PGLS: variants seen among roughly 807,000 people sequenced by gnomAD.
PGLS encodes the protein epididymis secretory protein Li 304.
Under a neutral mutation model 23.2 loss-of-function variants are expected in PGLS, and 21 were observed. That is an observed-to-expected ratio of 0.91 (90% CI 0.64 to 1.31). The LOEUF is 1.31. Among genes scored for constraint, PGLS ranks in the 50% most tolerant of loss-of-function variants. The pLI, the probability that PGLS is intolerant of heterozygous loss-of-function variation, is 0.00. For synonymous variants in PGLS, 179 were observed against 165.4 expected (o/e 1.08, Z -0.63); for missense variants, 410 against 354.0 (o/e 1.16, Z -1.27).
At chr19:17,519,289 G>A (rs1038780753) in intron 4 of PGLS, among the ~76,000 whole-genome samples, 4 of 148,398 alleles carry the variant, frequency 2.7e-5, no homozygotes, top group Non-Finnish European at 5.9e-5. Flanking sequence ...ACTCCAGCCT[G>A]GGCGACAAGA....
At chr19:17,517,586 C>A in intron 3 of PGLS, 124 bp from the exon 4 acceptor site, 2 of 1,157,550 alleles carry the variant, frequency 1.7e-6, no homozygotes, top group Non-Finnish European at 1.2e-6. Flanking sequence ...CTTAAACTAC[C>A]CACCATGGGA....
chr19:17,517,676 C>T (rs1477571437), intron 3 of PGLS, 34 bp from the exon 4 acceptor site: 2 of 1,611,668 alleles, frequency 1.2e-6, no homozygotes, highest in Non-Finnish European at 1.7e-6. Context: ...GTGACATTGT[C>T]CTTCTGCCTC....
In PGLS at chr19:17,511,681, G is replaced by A. The variant is rs1480169194; in HGVS notation, c.9G>A (p.Ala3=). MA[A]PAPGLISVFS... ...CCGCCGCCGCCCTCGCCATGGCCGC[G>A]CCGGCCCCGGGCCTCATCTCGGTGT... The change falls in exon 1 of 5, where the codon GCG becomes GCA. Residue 3 remains alanine (A), a synonymous_variant. Transcript: ENST00000252603. The A allele has an allele frequency of 2.7e-6, 4 of 1,489,292 alleles. No homozygotes were observed. Among genetic ancestry groups the A allele is most frequent in the African/African-American group, 3.0e-5 (2 of 67,728 alleles). 92.3% of individuals were successfully genotyped at this position (1,489,292 alleles called of 1,614,324 possible). A position where few individuals can be genotyped will look rare whatever the true frequency, so the allele number is the denominator to read the frequency against.
In PGLS at chr19:17,514,810, G is replaced by A. The variant is rs34068452; in HGVS notation, c.289-1363G>A. ...TGGGATTACAGGCATTCACCACCAC[G>A]CCCAGCTAATTTTATATTTTTAGTA... On this transcript the variant is annotated intron_variant, in intron 1 of 4. Coordinates refer to ENST00000252603, the MANE Select transcript of PGLS (RefSeq NM_012088.3). Among the ~76,000 whole-genome samples, 435 of 152,248 alleles carry A rather than the reference G, an allele frequency of 2.9e-3. 1 individual carries two copies. Among genetic ancestry groups the A allele is most frequent in the Admixed American group, 4.4e-3 (68 of 15,290 alleles).
Position 17,521,274 on chromosome 19 carries a change from G to C in PGLS, c.*193G>C. ...GGCTCTGGACATCCGGATATTAAAA[G>C]GAGCGTTGCTGGAAGTCTGCACTGT... is the stretch of plus-strand genomic sequence containing the variant. On this transcript the variant is annotated 3_prime_UTR_variant, in exon 5 of 5. Transcript: ENST00000252603. The C allele has an allele frequency of 1.7e-6, 1 of 579,992 alleles. No individual in the cohort carries two copies. Among genetic ancestry groups the C allele is most frequent in the East Asian group, 3.1e-5 (1 of 31,988 alleles). 35.9% of individuals were successfully genotyped at this position (579,992 alleles called of 1,614,324 possible).
intron 4 of PGLS, chr19:17,518,415 A>T (rs2075543265): frequency 6.6e-6 from 1 of 152,252 alleles, no homozygotes. Context: ...AGGAAAATAC[A>T]AATTCATTAC....
chr19:17,515,548 G>A (rs1001046), intron 1 of PGLS, among the ~76,000 whole-genome samples: 7,517 of 152,258 alleles, frequency 0.049, 569 homozygotes, highest in African/African-American at 0.16. Context: ...GCCTGGGCAA[G>A]CCTGGCCCCC....
chr19:17,514,705 T>G (rs1029679095), intron 1 of PGLS, among the ~76,000 whole-genome samples: 2 of 151,570 alleles, frequency 1.3e-5, no homozygotes, highest in African/African-American at 2.4e-5. Flanking sequence ...CAGGCTGGAG[T>G]GCAATGGCGC....
rs112508203 is a variant in PGLS, at chr19:17,516,978, G to A, written c.397-310G>A. ...CAGCTCACTGCAACCTCTGCCTCCCGGGCTCAAGTGATTATCCTACCTCAG... is the reference window on the plus strand; with the variant it reads ...CAGCTCACTGCAACCTCTGCCTCCCAGGCTCAAGTGATTATCCTACCTCAG... On this transcript the variant is annotated intron_variant, in intron 2 of 4. Transcript: ENST00000252603. Among the ~76,000 whole-genome samples the A allele has an allele frequency of 9.2e-4, 139 of 150,520 alleles. 1 individual carries two copies. The highest frequency in any genetic ancestry group is 2.4e-3 in the African/African-American group (99 of 40,852).
intron 4 of PGLS, among the ~76,000 whole-genome samples, chr19:17,518,985 T>C (rs2075545476): frequency 6.6e-6 from 1 of 152,102 alleles, no homozygotes; most frequent in East Asian, 1.9e-4. Context: ...GAATTACCAC[T>C]GCACTGGGGA....
At position 17,511,883 on chromosome 19, in the gene PGLS, G is replaced by T; in HGVS notation, c.211G>T (p.Ala71Ser). 1 of 1,540,942 alleles carries T rather than the reference G, an allele frequency of 6.5e-7. No homozygotes were observed. Reference protein sequence around the residue: ...AVAPAGPASLARWTLGFCDER... With the variant: ...AVAPAGPASLSRWTLGFCDER... ...CGCCCCTGCCGGGCCAGCTAGCTTA[G>T]CGCGCTGGACGCTGGGCTTCTGCGA... Residue 71 changes from alanine to serine, a missense_variant, in exon 1 of 5, where the codon GCG (alanine) becomes TCG (serine). Ala to Ser is a moderately conservative substitution (Grantham distance 99, BLOSUM62 1). Coordinates refer to ENST00000252603, the MANE Select transcript of PGLS (RefSeq NM_012088.3).
chr19:17,516,492 T>C (rs111862542), intron 2 of PGLS: 1 of 1,367,692 alleles, frequency 7.3e-7, no homozygotes, highest in Non-Finnish European at 9.5e-7. Flanking sequence ...GCCTGGGTCC[T>C]CACATCTTGG....
At chr19:17,516,030 G>A (rs2075530666) in intron 1 of PGLS, 143 bp from the exon 2 acceptor site, 1 of 622,584 alleles carries the variant, frequency 1.6e-6, no homozygotes, top group Non-Finnish European at 2.9e-6. Context: ...ACCAACCGAA[G>A]GACCTTGCAC....
chr19:17,512,287 C>T, intron 1 of PGLS: 1 of 382,782 alleles, frequency 2.6e-6, no homozygotes, highest in South Asian at 3.1e-5. Flanking sequence ...CGACAGGGCT[C>T]GCCCGCCTCC....
At chr19:17,516,332 C>A (rs751569602) in intron 2 of PGLS, 52 bp downstream of exon 2, 1 of 1,576,232 alleles carries the variant, frequency 6.3e-7, no homozygotes, top group Non-Finnish European at 8.6e-7. Context: ...AGCGGCCACA[C>A]CCCGGGCAAC....
intron 2 of PGLS, 184 bp downstream of exon 2, chr19:17,516,464 C>T: frequency 7.1e-7 from 1 of 1,399,436 alleles, no homozygotes; most frequent in Non-Finnish European, 9.3e-7. Flanking sequence ...CACTCGGCCT[C>T]TGTTGCCCAG....
intron 4 of PGLS, among the ~76,000 whole-genome samples, chr19:17,519,829 A>C (rs1003566968): frequency 8.6e-5 from 13 of 152,034 alleles, no homozygotes; most frequent in African/African-American, 3.1e-4. Context: ...TAATCTATTG[A>C]CTCTGGTCTT....
intron 1 of PGLS, among the ~76,000 whole-genome samples, chr19:17,513,512 T>TTAA (rs751363518): frequency 5.8e-5 from 8 of 137,846 alleles, no homozygotes; most frequent in Non-Finnish European, 1.1e-4. Flanking sequence ...GTCTTAAAGA[T>TTAA]AAAAAAAAAA....
intron 2 of PGLS, 76 bp from the exon 3 acceptor site, chr19:17,517,212 C>A (rs2075537458): frequency 1.1e-6 from 1 of 878,762 alleles, no homozygotes; most frequent in African/African-American, 1.7e-5. Flanking sequence ...TATCTGACAA[C>A]TGTTTCTGTG....
Sources: allele counts gnomAD v4.1 joint callset (sites outside exome capture counted in the v4.1 genomes callset), GRCh38; gene constraint gnomAD v4.1.1; transcripts MANE v1.5; gene names NCBI Gene and HGNC (gene_info 2026-07-23, HGNC 2026-07-21).